YME1L1: variants seen among roughly 807,000 people sequenced by gnomAD.
YME1L1 encodes the protein ATP-dependent zinc metalloprotease YME1L1.
In YME1L1, 39 loss-of-function variants were observed where a neutral mutation model predicts 90.4. The observed-to-expected ratio is 0.43, with a 90% CI of 0.33 to 0.56. The LOEUF is 0.56. Among genes scored for constraint, YME1L1 ranks in the 20% least tolerant of loss-of-function variants. YME1L1 has a pLI of 0.03. For missense variants in YME1L1, 617 were observed against 868.4 expected (o/e 0.71, Z 3.64); for synonymous variants, 284 against 287.3 (o/e 0.99, Z 0.12).
At chr10:27,149,499 CAG>C (rs2057184916) in intron 1 of YME1L1, among the ~76,000 whole-genome samples, 1 of 151,754 alleles carries the variant, frequency 6.6e-6, no homozygotes, top group African/African-American at 2.4e-5. Context: ...CACTTGAGGT[CAG>C]GAGTTCAAGA....
chr10:27,130,281 C>T (rs1384314905), intron 8 of YME1L1, among the ~76,000 whole-genome samples: 1 of 152,194 alleles, frequency 6.6e-6, no homozygotes, highest in African/African-American at 2.4e-5. Context: ...TTCCTGGCTT[C>T]TCTTCTCTGT....
At chr10:27,125,032 A>C (rs1312255102) in intron 9 of YME1L1, among the ~76,000 whole-genome samples, 2 of 152,202 alleles carry the variant, frequency 1.3e-5, no homozygotes, top group Admixed American at 6.5e-5. Context: ...GGTTACTGCA[A>C]ATAATTTCAT....
intron 1 of YME1L1, among the ~76,000 whole-genome samples, chr10:27,150,607 C>G (rs1303962620): frequency 6.6e-6 from 1 of 152,214 alleles, no homozygotes; most frequent in Non-Finnish European, 1.5e-5. Flanking sequence ...CTAGTCCTCA[C>G]TGCTCATTAT....
chr10:27,140,432 G>C (rs146415358), intron 4 of YME1L1, among the ~76,000 whole-genome samples: 45 of 152,252 alleles, frequency 3.0e-4, no homozygotes, highest in African/African-American at 1.1e-3. Context: ...ATTCAGTCGT[G>C]AGACATTTAG....
chr10:27,145,761 G>C, intron 2 of YME1L1, 171 bp from the exon 3 acceptor site: 1 of 551,408 alleles, frequency 1.8e-6, no homozygotes, highest in Non-Finnish European at 2.9e-6. Context: ...TCGTTTTACT[G>C]AGATCAGTCA....
At chr10:27,153,904 C>A (rs148146076) in intron 1 of YME1L1, among the ~76,000 whole-genome samples, 308 of 152,180 alleles carry the variant, frequency 2.0e-3, no homozygotes, top group African/African-American at 7.2e-3. Context: ...GATTCTCTAG[C>A]AGAAATTCCA....
chr10:27,127,710 G>A (rs2056935126), intron 8 of YME1L1, among the ~76,000 whole-genome samples: 1 of 152,178 alleles, frequency 6.6e-6, no homozygotes, highest in Admixed American at 6.5e-5. Context: ...TTGTCCCTAG[G>A]TTAGTAACCA....
At chr10:27,124,218 G>GA (rs1169923943) in intron 9 of YME1L1, among the ~76,000 whole-genome samples, 1 of 152,142 alleles carries the variant, frequency 6.6e-6, no homozygotes, top group Admixed American at 6.5e-5. Context: ...TGATGTACAA[G>GA]AAAGTCTTTA....
At chr10:27,133,801 A>T (rs528014211) in intron 7 of YME1L1, among the ~76,000 whole-genome samples, 29 of 152,314 alleles carry the variant, frequency 1.9e-4, no homozygotes, top group African/African-American at 6.7e-4. Flanking sequence ...ACATAATTTT[A>T]AAATTAATTA....
At chr10:27,154,094 T>A in intron 1 of YME1L1, 84 bp downstream of exon 1, 1 of 1,511,874 alleles carries the variant, frequency 6.6e-7, no homozygotes, top group Non-Finnish European at 9.0e-7. Context: ...GAGTCCCTTC[T>A]GAGAAATCGC....
At position 27,111,504 on chromosome 10, in the gene YME1L1, AT is replaced by A. The variant is rs2056758636; in HGVS notation, c.*472del. ...CCATGGCACCATGCCAAAAGGCTAT[AT>A]TCCTGGCTCTGTGTTTCCGAGACTG... On this transcript the variant is annotated 3_prime_UTR_variant, in exon 19 of 19. Transcript: ENST00000376016. 1 of 216,300 alleles carries A rather than the reference AT, an allele frequency of 4.6e-6. No individual in the cohort carries two copies. The highest frequency in any genetic ancestry group is 9.4e-6 in the Non-Finnish European group (1 of 106,846). The allele number at this position is 216,300 out of a possible 1,614,324, so 13.4% of individuals were successfully genotyped here.
rs7086580 is a variant in YME1L1, at chr10:27,146,586, G to T, written c.169-996C>A. ...ATCTTGATGAAAAATTTAAAAATTA[G>T]CTGGGCATGGTGGTATGCACCCGCA... is the stretch of plus-strand genomic sequence containing the variant. On this transcript the variant is annotated intron_variant, in intron 2 of 18. Transcript: ENST00000376016. The T allele has an allele frequency of 1.1e-3, 175 of 152,232 alleles. 1 individual carries two copies. The highest frequency in any genetic ancestry group is 3.9e-3 in the African/African-American group (164 of 41,538). 9.4% of individuals were successfully genotyped at this position (152,232 alleles called of 1,614,324 possible). A position where few individuals can be genotyped will look rare whatever the true frequency, so the allele number is the denominator to read the frequency against.
intron 11 of YME1L1, 129 bp from the exon 12 acceptor site, chr10:27,121,577 C>T (rs777640580): frequency 7.8e-5 from 51 of 652,732 alleles, no homozygotes; most frequent in Admixed American, 7.3e-4. Context: ...TAGGCTGAAG[C>T]GCACCAGTAT....
At chr10:27,132,392 C>A (rs919425591) in intron 7 of YME1L1, among the ~76,000 whole-genome samples, 3 of 152,050 alleles carry the variant, frequency 2.0e-5, no homozygotes, top group African/African-American at 7.2e-5. Context: ...AGCCACTACG[C>A]CCGGCTGGTC....
In YME1L1 at chr10:27,120,417, G is replaced by A. The variant is rs1564456912; in HGVS notation, c.1411+18C>T. The A allele has an allele frequency of 1.3e-6, 2 of 1,570,650 alleles. No individual in the cohort carries two copies. Among genetic ancestry groups the A allele is most frequent in the African/African-American group, 1.4e-5 (1 of 74,050 alleles). Reference sequence around the variant, plus strand: ...TTACCACTTTACAGAAATGACAAATGTTTGTTTTGATACTTACATTGATCA... The same window carrying A: ...TTACCACTTTACAGAAATGACAAATATTTGTTTTGATACTTACATTGATCA... On this transcript the variant is annotated intron_variant, in intron 13 of 18. Transcript: ENST00000376016.
intron 18 of YME1L1, among the ~76,000 whole-genome samples, chr10:27,113,844 C>A (rs1409811868): frequency 1.3e-5 from 2 of 150,538 alleles, no homozygotes; most frequent in Non-Finnish European, 3.0e-5. Flanking sequence ...AATGACAAAA[C>A]CCACAAAAAA....
At chr10:27,150,740 G>C (rs2057203223) in intron 1 of YME1L1, among the ~76,000 whole-genome samples, 1 of 152,110 alleles carries the variant, frequency 6.6e-6, no homozygotes, top group Non-Finnish European at 1.5e-5. Context: ...AACCTTAGGG[G>C]TCCCCCTTTC....
chr10:27,138,947 A>C (rs1588607264), intron 4 of YME1L1, among the ~76,000 whole-genome samples: 1 of 150,412 alleles, frequency 6.6e-6, no homozygotes, highest in Non-Finnish European at 1.5e-5. Context: ...CAGCAATTAA[A>C]ATATATCATG....
intron 5 of YME1L1, among the ~76,000 whole-genome samples, chr10:27,135,351 T>C (rs2057016804): frequency 1.3e-5 from 2 of 152,212 alleles, no homozygotes; most frequent in Admixed American, 1.3e-4. Context: ...TACTTGGCCT[T>C]ATATAAGTTC....
Sources: allele counts gnomAD v4.1 joint callset (sites outside exome capture counted in the v4.1 genomes callset), GRCh38; gene constraint gnomAD v4.1.1; transcripts MANE v1.5; gene names NCBI Gene and HGNC (gene_info 2026-07-23, HGNC 2026-07-21).